The following NRXN3 variants were observed in gnomAD, a reference collection of about 807,000 sequenced individuals.
The protein encoded by NRXN3 is neurexin III.
In NRXN3, 32 loss-of-function variants were observed where a neutral mutation model predicts 137.6. That is an observed-to-expected ratio of 0.23 (90% confidence interval 0.18 to 0.31). The LOEUF (loss-of-function observed/expected upper bound fraction) is 0.31. Among genes scored for constraint, NRXN3 ranks in the 10% least tolerant of loss-of-function variants. The pLI is 1.00. For synonymous variants in NRXN3, 798 were observed against 784.5 expected (o/e 1.02, Z -0.29); for missense variants, 1,574 against 2,062.5 (o/e 0.76, Z 4.59).
intron 16 of NRXN3, among the ~76,000 whole-genome samples, chr14:79,481,140 A>G (rs1406855735): frequency 6.6e-6 from 1 of 152,100 alleles, no homozygotes; most frequent in Non-Finnish European, 1.5e-5. Context: ...CTTACATTCT[A>G]GTGGGGGAGT....
chr14:78,621,901 A>G (rs1416994502), intron 4 of NRXN3, among the ~76,000 whole-genome samples: 2 of 152,208 alleles, frequency 1.3e-5, no homozygotes, highest in South Asian at 4.1e-4. Flanking sequence ...GGTAGTAAGC[A>G]TATACCAAAA....
chr14:78,949,411 C>T (rs2152940321), intron 10 of NRXN3, among the ~76,000 whole-genome samples: 1 of 152,220 alleles, frequency 6.6e-6, no homozygotes, highest in East Asian at 1.9e-4. Flanking sequence ...TCAGCTCCCC[C>T]TCCATTTCTT....
At chr14:78,783,889 G>A (rs1364276757) in intron 8 of NRXN3, among the ~76,000 whole-genome samples, 1 of 152,018 alleles carries the variant, frequency 6.6e-6, no homozygotes, top group Non-Finnish European at 1.5e-5. Flanking sequence ...CTCAGGATAG[G>A]CTTCATAGAG....
At chr14:79,502,001 G>A (rs77852184) in intron 16 of NRXN3, among the ~76,000 whole-genome samples, 1,644 of 152,284 alleles carry the variant, frequency 0.011, 29 homozygotes, top group African/African-American at 0.037. Flanking sequence ...CTTGAGTGCA[G>A]ATCTGATTCT....
intron 10 of NRXN3, among the ~76,000 whole-genome samples, chr14:78,859,566 C>T (rs941527698): frequency 2.1e-4 from 32 of 152,054 alleles, no homozygotes; most frequent in African/African-American, 7.2e-4. Context: ...CAGAATTCCC[C>T]TCTTTGCCCC....
chr14:78,963,430 G>A (rs1394347176), intron 11 of NRXN3, among the ~76,000 whole-genome samples: 1 of 151,786 alleles, frequency 6.6e-6, no homozygotes, highest in East Asian at 2.0e-4. Flanking sequence ...TGTTTCTGTG[G>A]ATATTGACTA....
chr14:79,497,341 C>T (rs2096777090), intron 16 of NRXN3, among the ~76,000 whole-genome samples: 1 of 152,118 alleles, frequency 6.6e-6, no homozygotes, highest in Non-Finnish European at 1.5e-5. Context: ...TTGTTTCTAC[C>T]TCAGAGCCTT....
chr14:78,482,357 C>T (rs745796496), intron 4 of NRXN3, among the ~76,000 whole-genome samples: 14 of 152,164 alleles, frequency 9.2e-5, no homozygotes, highest in Non-Finnish European at 1.5e-4. Context: ...CTTGGCTCTC[C>T]TATATACCCA....
At chr14:79,137,346 A>C (rs1250248673) in intron 15 of NRXN3, among the ~76,000 whole-genome samples, 1 of 152,164 alleles carries the variant, frequency 6.6e-6, no homozygotes, top group Admixed American at 6.5e-5. Context: ...TACTGCCTAC[A>C]TTTCACTGCC....
chr14:79,403,473 C>T (rs571031554), intron 15 of NRXN3, among the ~76,000 whole-genome samples: 2 of 152,122 alleles, frequency 1.3e-5, no homozygotes, highest in Non-Finnish European at 2.9e-5. Flanking sequence ...ACTCTGTCAC[C>T]CTGTTACTCC....
intron 10 of NRXN3, among the ~76,000 whole-genome samples, chr14:78,828,268 G>C (rs1383354060): frequency 6.6e-6 from 1 of 152,138 alleles, no homozygotes; most frequent in African/African-American, 2.4e-5. Flanking sequence ...AGAGAATGTT[G>C]CTTCAACTAA....
chr14:79,789,355 G>A (rs567456342), intron 19 of NRXN3, among the ~76,000 whole-genome samples: 2 of 152,070 alleles, frequency 1.3e-5, no homozygotes, highest in Non-Finnish European at 2.9e-5. Context: ...GGAGCAGGAA[G>A]GATTTGTTAC....
At chr14:78,672,916 G>T (rs1333029733) in intron 6 of NRXN3, among the ~76,000 whole-genome samples, 4 of 152,150 alleles carry the variant, frequency 2.6e-5, no homozygotes, top group Non-Finnish European at 5.9e-5. Flanking sequence ...TGACTACTCT[G>T]TGATTTTTGC....
chr14:79,396,203 A>C (rs1483570397), intron 15 of NRXN3, among the ~76,000 whole-genome samples: 1 of 152,108 alleles, frequency 6.6e-6, no homozygotes, highest in Non-Finnish European at 1.5e-5. Context: ...CTGTAATGTG[A>C]ATATTCATAT....
intron 15 of NRXN3, among the ~76,000 whole-genome samples, chr14:79,435,043 C>T (rs937331805): frequency 6.6e-6 from 1 of 152,146 alleles, no homozygotes; most frequent in African/African-American, 2.4e-5. Context: ...TTCAGTAGCA[C>T]ATCCACTGCA....
At chr14:78,314,316 G>A (rs1324644286) in intron 4 of NRXN3, among the ~76,000 whole-genome samples, 3 of 152,180 alleles carry the variant, frequency 2.0e-5, no homozygotes, top group African/African-American at 7.2e-5. Flanking sequence ...CAGGCTAACT[G>A]CTATGACAAT....
At chr14:79,020,164 CT>C (rs2099586496) in intron 15 of NRXN3, among the ~76,000 whole-genome samples, 2 of 4,624 alleles carry the variant, frequency 4.3e-4, no homozygotes, top group Admixed American at 2.8e-3. Context: ...CTTCCCTTCC[CT>C]TCCCTTCCCT....
chr14:78,260,737 C>T (rs886816421), intron 2 of NRXN3, among the ~76,000 whole-genome samples: 1 of 152,212 alleles, frequency 6.6e-6, no homozygotes, highest in Non-Finnish European at 1.5e-5. Context: ...TCACCTTCCA[C>T]CATGATTATG....
intron 15 of NRXN3, among the ~76,000 whole-genome samples, chr14:79,236,159 A>C (rs764634983): frequency 6.6e-6 from 1 of 152,150 alleles, no homozygotes; most frequent in Non-Finnish European, 1.5e-5. Flanking sequence ...ATATTTATAA[A>C]CCAGAGATGT....
Sources: gnomAD v4.1 joint callset for allele counts (sites outside exome capture counted in the v4.1 genomes callset) on GRCh38, gnomAD v4.1.1 for gene constraint, MANE v1.5 for transcripts, NCBI Gene and HGNC (gene_info 2026-07-23, HGNC 2026-07-21) for gene names.